MLXIP: variants seen among roughly 807,000 people sequenced by gnomAD.
The protein encoded by MLXIP is MLX-interacting protein.
MLXIP carries 30 observed loss-of-function variants against 87.2 expected under a neutral mutation model. The ratio of observed to expected loss-of-function variants is 0.34; its 90% CI spans 0.26 to 0.47. The LOEUF is 0.47. MLXIP is among the 20% of genes least tolerant of loss of function. The probability of loss-of-function intolerance (pLI) is 1.00; values close to 1 mark genes in which losing one functional copy is unlikely to be tolerated. For synonymous variants in MLXIP, 530 were observed against 514.0 expected, an observed-to-expected ratio of 1.03 and a Z score of -0.42; for missense variants, 1,002 against 1,240.1, an observed-to-expected ratio of 0.81 and a Z score of 2.88.
In MLXIP at chr12:122,141,725, C is replaced by T. The variant is rs1189289958; in HGVS notation, c.2673C>T (p.Ser891=). The stretch of plus-strand genomic sequence containing the variant: ...GCACGCTGCGGCAGCTGAGCACCTC[C>T]ACCTCCATCCTCACAGACCCGGCAC... ...VLSTLRQLST[S]TSILTDPAQL... Residue 891 remains serine (S), a synonymous_variant, in exon 17 of 17, where the codon TCC becomes TCT. Transcript: ENST00000319080. 1 of 1,613,792 alleles carries T rather than the reference C, an allele frequency of 6.2e-7. No homozygotes were observed. The highest frequency in any genetic ancestry group is 1.3e-5 in the African/African-American group (1 of 74,932).
chr12:122,097,207 C>T (rs1457396174), intron 1 of MLXIP, among the ~76,000 whole-genome samples: 4 of 152,036 alleles, frequency 2.6e-5, no homozygotes, highest in Non-Finnish European at 5.9e-5. Context: ...GCTCTGTCAC[C>T]CAGGCTGGAG....
intron 1 of MLXIP, among the ~76,000 whole-genome samples, chr12:122,101,641 C>T (rs187574410): frequency 0.01 from 1,441 of 138,316 alleles, 22 homozygotes; most frequent in African/African-American, 0.037. Context: ...AGTGCAGTGG[C>T]GGGATCTCGG....
rs560571119 is a variant in MLXIP, at chr12:122,117,103, C to T, written c.414-10153C>T. Among the ~76,000 whole-genome samples, 489 of 152,350 alleles carry T rather than the reference C, an allele frequency of 3.2e-3. 5 individuals are homozygous for T. Among genetic ancestry groups the T allele is most frequent in the African/African-American group, 0.011 (471 of 41,582 alleles). On this transcript the variant is annotated intron_variant, in intron 1 of 16. Transcript: ENST00000319080. ...ATACACCCTCACAAACAAGCTGGCACGCATGTGGGCGGAGCACCTGCAGGC... is the reference window on the plus strand; with the variant it reads ...ATACACCCTCACAAACAAGCTGGCATGCATGTGGGCGGAGCACCTGCAGGC...
chr12:122,093,350 G>A (rs1952278316), intron 1 of MLXIP, among the ~76,000 whole-genome samples: 1 of 146,232 alleles, frequency 6.8e-6, no homozygotes, highest in African/African-American at 2.5e-5. Context: ...TGTATTGTGT[G>A]TGTTGGTGTG....
At position 122,129,193 on chromosome 12, in the gene MLXIP, G is replaced by A. The variant is rs778878406; in HGVS notation, c.663G>A (p.Glu221=). 650 of 1,611,386 alleles carry A rather than the reference G, an allele frequency of 4.0e-4. 1 individual carries two copies. Among genetic ancestry groups the A allele is most frequent in the Non-Finnish European group, 5.1e-4 (607 of 1,178,908 alleles). ...GCCGCATCGAGATTGTGATCCGGGA[G>A]TATCACAAGTGGAGAACCTACTTCA... The part of the protein sequence containing the change: ...WKSRIEIVIR[E]YHKWRTYFKK... The change falls in exon 4 of 17, where the codon GAG becomes GAA. Residue 221 remains glutamate (E), a synonymous_variant. Coordinates refer to ENST00000319080, the MANE Select transcript of MLXIP (RefSeq NM_014938.6).
In MLXIP at chr12:122,138,866, G is replaced by T. The variant is rs368364894; in HGVS notation, c.2436G>T (p.Gln812His). 80 of 1,614,080 alleles carry T rather than the reference G, an allele frequency of 5.0e-5. No homozygotes were observed. The African/African-American group carries it at 9.6e-4, about 19-fold the overall frequency. ...CGGGAGTCCCCGTTACCCGGCGCCA[G>T]TTTGATCACATGAAAGACATGTTTG... ...PATGVPVTRRQFDHMKDMFDE... is the reference protein window; with the variant it reads ...PATGVPVTRRHFDHMKDMFDE... The change falls in exon 15 of 17, where the codon CAG becomes CAT. Residue 812 changes from glutamine (Q) to histidine (H), a missense_variant. Coordinates refer to ENST00000319080, the MANE Select transcript of MLXIP (RefSeq NM_014938.6).
In MLXIP at chr12:122,135,242, C is replaced by G; in HGVS notation, c.1751C>G (p.Pro584Arg). The stretch of plus-strand genomic sequence containing the variant: ...CTGGCAGCTGCCTTTTCAGGCCAAC[C>G]ACAAGCGGTGATCATGACGTCAGGG... ...RIAPAAFSGQ[P>R]QAVIMTSGPL... is the part of the protein sequence containing the mutation. The change falls in exon 10 of 17, where the codon CCA becomes CGA. Residue 584 changes from proline (P) to arginine (R), a missense_variant. Physicochemically the swap from Pro to Arg is moderately radical, Grantham distance 103. Transcript: ENST00000319080. This position sits in a 1 kb window ranked among gnomAD's most constrained non-coding sequence, Gnocchi z 5.3. 1.9e-6 allele frequency: 3 copies of G among 1,613,434 alleles called. No individual in the cohort carries two copies. Among genetic ancestry groups the G allele is most frequent in the Non-Finnish European group, 2.5e-6 (3 of 1,179,800 alleles).
chr12:122,141,018 A>G lies in MLXIP; in HGVS notation c.2573A>G (p.Glu858Gly). The G allele has an allele frequency of 1.9e-6, 3 of 1,613,946 alleles. No individual in the cohort carries two copies. Among genetic ancestry groups the G allele is most frequent in the Non-Finnish European group, 2.5e-6 (3 of 1,179,904 alleles). ...FKGMVSTSSLEELHRTALSWL... is the reference protein window; with the variant it reads ...FKGMVSTSSLGELHRTALSWL... The stretch of plus-strand genomic sequence containing the variant: ...GGCATGGTGTCCACCAGCAGCCTGG[A>G]GGAGCTGCACCGGACGGCGCTCTCC... Residue 858 changes from glutamate (E) to glycine (G), a missense_variant, in exon 16 of 17, where the codon GAG (glutamate) becomes GGG (glycine). Glu to Gly is a moderately conservative substitution (Grantham distance 98). Coordinates refer to ENST00000319080, the MANE Select transcript of MLXIP (RefSeq NM_014938.6).
rs866549652 is a variant in MLXIP, at chr12:122,138,442, C to T, written c.2275C>T (p.Leu759=). Residue 759 remains leucine (L), a synonymous_variant, in exon 14 of 17, where the codon CTG becomes TTG. Coordinates refer to ENST00000319080, the MANE Select transcript of MLXIP (RefSeq NM_014938.6). ...TCTGCAGACCAGTCACGCCATCACA[C>T]TGCAGAAGACTGTGGAGTACATCAC... ...NSKLTSHAIT[L]QKTVEYITKL... is the part of the protein sequence containing the mutation. 1.2e-6 allele frequency: 2 copies of T among 1,613,922 alleles called. No individual in the cohort carries two copies. The highest frequency in any genetic ancestry group is 3.3e-4 in the Middle Eastern group (2 of 6,062).
At chr12:122,138,364 T>C (rs746902236) in intron 13 of MLXIP, 60 bp from the exon 14 acceptor site, 3 of 1,611,832 alleles carry the variant, frequency 1.9e-6, no homozygotes, top group African/African-American at 2.7e-5. Flanking sequence ...TGCGTGGTCA[T>C]TGCTGGTGGC....
rs757642194 is a variant in MLXIP, at chr12:122,133,595, C to G, written c.1340C>G (p.Ser447Cys). The stretch of plus-strand genomic sequence containing the variant: ...CCCAGCCCCGCCCCACCGCCCATCT[C>G]CCCCGTGTTACCATTAGTTCCTCCT... ...LSPSPAPPPI[S>C]PVLPLVPPPA... Residue 447 changes from serine (S) to cysteine (C), a missense_variant, in exon 9 of 17, where the codon TCC (serine) becomes TGC (cysteine). This residue lies in a region of MLXIP where 746 missense variants were observed against 897.0 expected (regional missense o/e 0.83). Coordinates refer to ENST00000319080, the MANE Select transcript of MLXIP (RefSeq NM_014938.6). The surrounding 1 kb of genome is among the most constrained non-coding windows in gnomAD (Gnocchi z 4.9). The G allele has an allele frequency of 2.5e-6, 4 of 1,609,082 alleles. No individual in the cohort carries two copies. The highest frequency in any genetic ancestry group is 1.7e-5 in the Admixed American group (1 of 59,500).
intron 1 of MLXIP, among the ~76,000 whole-genome samples, chr12:122,093,712 TG>T (rs1212276624): frequency 2.4e-5 from 3 of 123,256 alleles, no homozygotes; most frequent in African/African-American, 9.8e-5. Flanking sequence ...TGTGTTGGTG[TG>T]GGGGGTGTGT....
chr12:122,114,013 T>C (rs1274992057), intron 1 of MLXIP, among the ~76,000 whole-genome samples: 2 of 132,604 alleles, frequency 1.5e-5, no homozygotes, highest in Non-Finnish European at 3.2e-5. Flanking sequence ...GAGACAGCAT[T>C]TCACTCTTGT....
intron 1 of MLXIP, among the ~76,000 whole-genome samples, chr12:122,118,801 T>C (rs1952732423): frequency 6.6e-6 from 1 of 150,924 alleles, no homozygotes. Flanking sequence ...TGAGCTGAGA[T>C]TGCCACTGCA....
At chr12:122,132,508 G>T (rs1952999299) in intron 8 of MLXIP, 125 bp downstream of exon 8, 2 of 729,926 alleles carry the variant, frequency 2.7e-6, no homozygotes, top group Non-Finnish European at 4.6e-6. Context: ...GCCAAGCAGT[G>T]CTAGACCAGC....
chr12:122,088,617 C>A (rs1952202131), intron 1 of MLXIP, among the ~76,000 whole-genome samples: 1 of 152,106 alleles, frequency 6.6e-6, no homozygotes, highest in Admixed American at 6.5e-5. Flanking sequence ...GTAGAAGCAG[C>A]CGCCTGGGGC....
intron 1 of MLXIP, among the ~76,000 whole-genome samples, chr12:122,117,132 C>T (rs546754347): frequency 2.0e-5 from 3 of 152,342 alleles, no homozygotes; most frequent in South Asian, 2.1e-4. Flanking sequence ...TGCAGGCACT[C>T]GAACACTCGC....
In MLXIP at chr12:122,137,456, C is replaced by G. The variant is rs2135990111; in HGVS notation, c.2033-13C>G. 1.2e-6 allele frequency: 2 copies of G among 1,611,910 alleles called. No homozygotes were observed. Among genetic ancestry groups the G allele is most frequent in the East Asian group, 4.5e-5 (2 of 44,804 alleles). On this transcript the variant is annotated splice_polypyrimidine_tract_variant and intron_variant, in intron 11 of 16. Coordinates refer to ENST00000319080, the MANE Select transcript of MLXIP (RefSeq NM_014938.6). The surrounding 1 kb of genome is among the most constrained non-coding windows in gnomAD (Gnocchi z 4.1). ...CCAGGCCTCCGCCCCTCAGAGGAGT[C>G]TGTTCTTACCAGGTCGGGACTGCCC...
intron 7 of MLXIP, 92 bp downstream of exon 7, chr12:122,131,025 T>C: frequency 2.4e-6 from 2 of 839,638 alleles, no homozygotes; most frequent in South Asian, 1.5e-5. Context: ...AGGCGAGACT[T>C]GGTAGAATGG....
Sources: allele counts gnomAD v4.1 joint callset (sites outside exome capture counted in the v4.1 genomes callset), GRCh38; gene constraint gnomAD v4.1.1; regional missense constraint gnomAD v4.1.1; non-coding constraint Gnocchi (gnomAD v3.1); transcripts MANE v1.5; gene names NCBI Gene and HGNC (gene_info 2026-07-23, HGNC 2026-07-21).